PLCH1: variants seen among roughly 807,000 people sequenced by gnomAD.
PLCH1 encodes phospholipase C eta 1.
In PLCH1, 60 loss-of-function variants were observed where a neutral mutation model predicts 126.7. The ratio of observed to expected loss-of-function variants is 0.47; its 90% CI spans 0.38 to 0.59. The LOEUF (loss-of-function observed/expected upper bound fraction) is 0.59. Among genes scored for constraint, PLCH1 ranks in the 20% least tolerant of loss-of-function variants. The pLI is 0.00. For synonymous variants in PLCH1, 719 were observed against 734.9 expected (o/e 0.98, Z 0.35); for missense variants, 1,723 against 2,040.0 (o/e 0.84, Z 2.99).
chr3:155,486,909 T>A (rs1180353635), intron 21 of PLCH1: 2 of 152,216 alleles, frequency 1.3e-5, no homozygotes, highest in Admixed American at 6.5e-5. Flanking sequence ...TAACCTGGGA[T>A]TCCTAGAATT....
At chr3:155,635,415 T>C (rs553539136) in intron 2 of PLCH1, among the ~76,000 whole-genome samples, 4 of 152,208 alleles carry the variant, frequency 2.6e-5, no homozygotes, top group Non-Finnish European at 4.4e-5. Context: ...CAGCCTCCAA[T>C]GGTTACTGAT....
At chr3:155,673,744 C>T (rs1037941255) in intron 2 of PLCH1, among the ~76,000 whole-genome samples, 6 of 152,092 alleles carry the variant, frequency 3.9e-5, no homozygotes, top group Admixed American at 6.6e-5. Context: ...ATCTAGGACT[C>T]GCTCTTACGT....
At chr3:155,591,126 G>A (rs1732113232) in intron 4 of PLCH1, among the ~76,000 whole-genome samples, 1 of 152,158 alleles carries the variant, frequency 6.6e-6, no homozygotes, top group African/African-American at 2.4e-5. Flanking sequence ...CTCTTTCAAG[G>A]ATTATGAGAG....
chr3:155,726,721 G>T (rs576243681), intron 1 of PLCH1, among the ~76,000 whole-genome samples: 156 of 149,544 alleles, frequency 1.0e-3, no homozygotes, highest in African/African-American at 3.6e-3. Flanking sequence ...TTGAGACGGG[G>T]TCTTCACCCT....
In PLCH1 at chr3:155,464,534, A is replaced by T. The variant is rs569891343; in HGVS notation, c.2938+20822T>A. On this transcript the variant is annotated intron_variant, in intron 21 of 21. Coordinates refer to the PLCH1 transcript ENST00000494598. ...GAAATTTTACAGGTTTGCTCTAGGTAGATTTTGCAGAGACTAGGTACTTCC... is the reference window on the plus strand; with the variant it reads ...GAAATTTTACAGGTTTGCTCTAGGTTGATTTTGCAGAGACTAGGTACTTCC... Among the ~76,000 whole-genome samples, 43 of 152,240 alleles carry T rather than the reference A, an allele frequency of 2.8e-4. 1 individual carries two copies. The highest frequency in any genetic ancestry group is 1.9e-4 in the Non-Finnish European group (13 of 68,012).
rs1287306427 is a variant in PLCH1 at position 155,560,945 on chromosome 3, T to C, written c.1069+3970A>G. On this transcript the variant is annotated intron_variant, in intron 8 of 22. Transcript: ENST00000460012. Reference sequence around the variant, plus strand: ...GGGCACTACTTCCTTTCTCCAAGGATGCTCTTTTGTATAAATCACAGAAGA... The same window carrying C: ...GGGCACTACTTCCTTTCTCCAAGGACGCTCTTTTGTATAAATCACAGAAGA... Among the ~76,000 whole-genome samples the C allele has an allele frequency of 2.6e-5, 4 of 152,296 alleles. No individual in the cohort carries two copies. The South Asian group carries it at 8.3e-4, about 32-fold the overall frequency.
intron 2 of PLCH1, among the ~76,000 whole-genome samples, chr3:155,641,008 C>A (rs905893462): frequency 6.6e-6 from 1 of 151,916 alleles, no homozygotes; most frequent in African/African-American, 2.4e-5. Context: ...TTAAGGTTTG[C>A]GACTCACTAC....
At chr3:155,614,983 C>T (rs76482103) in intron 2 of PLCH1, among the ~76,000 whole-genome samples, 1 of 152,002 alleles carries the variant, frequency 6.6e-6, no homozygotes, top group African/African-American at 2.4e-5. Context: ...AAATAATCAG[C>T]AGAGTAAATG....
chr3:155,495,635 C>T (rs541685641), intron 15 of PLCH1, among the ~76,000 whole-genome samples: 2 of 152,278 alleles, frequency 1.3e-5, no homozygotes, highest in African/African-American at 2.4e-5. Flanking sequence ...CATATCTAGA[C>T]TCTGCATGTT....
At chr3:155,614,939 C>T (rs940365840) in intron 2 of PLCH1, among the ~76,000 whole-genome samples, 1 of 151,898 alleles carries the variant, frequency 6.6e-6, no homozygotes, top group Admixed American at 6.6e-5. Flanking sequence ...TAGATGGGAC[C>T]TAACTAAACT....
At chr3:155,682,030 G>C (rs148965099) in intron 2 of PLCH1, among the ~76,000 whole-genome samples, 1 of 152,278 alleles carries the variant, frequency 6.6e-6, no homozygotes, top group African/African-American at 2.4e-5. Context: ...CTGAAGCAGA[G>C]GGTAGCACTA....
chr3:155,544,240 G>C (rs1724854763), intron 10 of PLCH1, among the ~76,000 whole-genome samples: 1 of 152,194 alleles, frequency 6.6e-6, no homozygotes. Context: ...TGCAATCCTA[G>C]TCTCTGATAA....
At chr3:155,453,869 AAT>A (rs1712374487) in intron 21 of PLCH1, among the ~76,000 whole-genome samples, 1 of 151,996 alleles carries the variant, frequency 6.6e-6, no homozygotes, top group East Asian at 1.9e-4. Context: ...GCAAATTAAA[AAT>A]AGAAATTTCT....
In PLCH1 at chr3:155,570,424, T is replaced by C. The variant is rs922467645; in HGVS notation, c.772-2100A>G. Among the ~76,000 whole-genome samples the C allele has an allele frequency of 2.6e-4, 39 of 152,196 alleles. 1 individual carries two copies. The highest frequency in any genetic ancestry group is 2.2e-3 in the Admixed American group (33 of 15,286). ...GTTCACTTGACAGTTTTGTTTGTCA[T>C]TGAACATCTGAGTCACTTGCTGTCT... is the stretch of plus-strand genomic sequence containing the variant. On this transcript the variant is annotated intron_variant, in intron 6 of 22. Transcript: ENST00000460012.
chr3:155,678,673 G>A (rs1274977973), intron 2 of PLCH1, among the ~76,000 whole-genome samples: 1 of 152,134 alleles, frequency 6.6e-6, no homozygotes, highest in Non-Finnish European at 1.5e-5. Context: ...AGACTTTGGG[G>A]ACAATGGTGC....
chr3:155,628,437 G>GTT (rs1005975958), intron 2 of PLCH1, among the ~76,000 whole-genome samples: 1 of 149,762 alleles, frequency 6.7e-6, no homozygotes, highest in Non-Finnish European at 1.5e-5. Context: ...GCCTTGCTAA[G>GTT]TTCCCCTCAG....
At position 155,551,435 on chromosome 3, in the gene PLCH1, G is replaced by C. The variant is rs75015678; in HGVS notation, c.1191-1477C>G. On this transcript the variant is annotated intron_variant, in intron 9 of 22. Coordinates refer to ENST00000460012, the MANE Select transcript of PLCH1 (RefSeq NM_014996.4). ...ACTCCAGCATGGGCGACAGAGCAAG[G>C]CTGCCTCAGAAAAAAAAAAAAAAAA... is the stretch of plus-strand genomic sequence containing the variant. 8.1e-3 allele frequency among the ~76,000 whole-genome samples: 913 copies of C among 113,270 alleles called. 13 individuals are homozygous for C. Among genetic ancestry groups the C allele is most frequent in the African/African-American group, 0.032 (850 of 26,974 alleles). The allele number at this position is 113,270 out of a possible 152,430, so 74.3% of individuals were successfully genotyped here.
At chr3:155,537,075 C>A (rs911084158) in intron 10 of PLCH1, among the ~76,000 whole-genome samples, 5 of 151,808 alleles carry the variant, frequency 3.3e-5, no homozygotes, top group Admixed American at 2.6e-4. Flanking sequence ...CAAAACTAGG[C>A]TTGATAAATA....
At chr3:155,502,841 C>G (rs1459455642) in intron 13 of PLCH1, among the ~76,000 whole-genome samples, 1 of 152,140 alleles carries the variant, frequency 6.6e-6, no homozygotes, top group African/African-American at 2.4e-5. Context: ...TGGAGGTGAA[C>G]ATTTTGGTTG....
Sources: allele counts gnomAD v4.1 joint callset (sites outside exome capture counted in the v4.1 genomes callset), GRCh38; gene constraint gnomAD v4.1.1; transcripts MANE v1.5; gene names NCBI Gene and HGNC (gene_info 2026-07-23, HGNC 2026-07-21).